The following TMTC2 variants were observed in gnomAD, a reference collection of about 807,000 sequenced individuals.
TMTC2 encodes the protein protein O-mannosyl-transferase TMTC2.
TMTC2 carries 43 observed loss-of-function variants against 82.4 expected under a neutral mutation model. That is an observed-to-expected ratio of 0.52 (90% CI 0.41 to 0.67). The LOEUF (loss-of-function observed/expected upper bound fraction) is 0.67. TMTC2 is among the 30% of genes least tolerant of loss of function. The pLI is 0.00. For synonymous variants in TMTC2, 408 were observed against 381.9 expected, an observed-to-expected ratio of 1.07 and a Z score of -0.80; for missense variants, 919 against 1,012.4, an observed-to-expected ratio of 0.91 and a Z score of 1.25.
intron 9 of TMTC2, among the ~76,000 whole-genome samples, chr12:83,031,604 G>T (rs193116967): frequency 6.6e-5 from 10 of 152,146 alleles, no homozygotes; most frequent in African/African-American, 2.4e-4. Context: ...CCCTTGGGGG[G>T]AAAATGTGGT....
intron 11 of TMTC2, among the ~76,000 whole-genome samples, chr12:83,070,833 A>G (rs965155159): frequency 6.6e-6 from 1 of 152,194 alleles, no homozygotes; most frequent in Non-Finnish European, 1.5e-5. Context: ...TAGGTTTGTC[A>G]TAGATGGCTT....
intron 1 of TMTC2, among the ~76,000 whole-genome samples, chr12:82,755,546 C>T (rs967896468): frequency 8.5e-5 from 13 of 152,066 alleles, no homozygotes; most frequent in Non-Finnish European, 1.5e-4. Context: ...GTTTTTTTAG[C>T]CAATAATAAG....
chr12:83,080,546 T>A (rs193288120), intron 11 of TMTC2, among the ~76,000 whole-genome samples: 94 of 152,282 alleles, frequency 6.2e-4, no homozygotes, highest in African/African-American at 2.1e-3. Context: ...TCTCCCCAGT[T>A]TTTATAGATG....
chr12:83,126,481 G>C (rs1885101975), intron 11 of TMTC2, among the ~76,000 whole-genome samples: 1 of 152,028 alleles, frequency 6.6e-6, no homozygotes, highest in African/African-American at 2.4e-5. Flanking sequence ...TTGTCAATCA[G>C]CCATCAATCT....
chr12:82,738,621 A>G (rs568876194), intron 1 of TMTC2, among the ~76,000 whole-genome samples: 2 of 152,294 alleles, frequency 1.3e-5, no homozygotes, highest in South Asian at 2.1e-4. Flanking sequence ...AATCACTTGG[A>G]ATAAATTGTC....
intron 1 of TMTC2, among the ~76,000 whole-genome samples, chr12:82,691,673 AT>A (rs578150193): frequency 1.1e-3 from 170 of 152,280 alleles, no homozygotes; most frequent in Non-Finnish European, 2.0e-3. Flanking sequence ...CTGTTAACTT[AT>A]CTTTAAAAAG....
At chr12:82,830,132 GT>G (rs533535957) in intron 1 of TMTC2, among the ~76,000 whole-genome samples, 2 of 151,024 alleles carry the variant, frequency 1.3e-5, no homozygotes, top group Admixed American at 6.6e-5. Context: ...GCAAGCTTAC[GT>G]TTTTTTTTCT....
In TMTC2 at chr12:82,965,691, A is replaced by G. The variant is rs764065312; in HGVS notation, c.1816A>G (p.Thr606Ala). The G allele has an allele frequency of 9.3e-6, 15 of 1,613,752 alleles. No homozygotes were observed. In the African/African-American group the frequency reaches 1.5e-4, roughly 16 times the overall value. Residue 606 changes from threonine (T) to alanine (A), a missense_variant, in exon 6 of 12, where the codon ACC becomes GCC. Physicochemically the swap from Thr to Ala is moderately conservative, Grantham distance 58. Coordinates refer to ENST00000321196, the MANE Select transcript of TMTC2 (RefSeq NM_152588.3). ...CCCTCATGCACACAAGAGCTCTGTTACCAGTTGTTTGTACAACCTAGGAAA... is the reference window on the plus strand; with the variant it reads ...CCCTCATGCACACAAGAGCTCTGTTGCCAGTTGTTTGTACAACCTAGGAAA... ...KDPHAHKSSV[T>A]SCLYNLGKLY...
At chr12:82,820,073 C>G (rs770572566) in intron 1 of TMTC2, among the ~76,000 whole-genome samples, 3 of 152,166 alleles carry the variant, frequency 2.0e-5, no homozygotes, top group Non-Finnish European at 4.4e-5. Flanking sequence ...CGATGTTCTA[C>G]GGCAGGAAGC....
At chr12:82,726,181 G>A (rs541416484) in intron 1 of TMTC2, among the ~76,000 whole-genome samples, 1 of 152,224 alleles carries the variant, frequency 6.6e-6, no homozygotes, top group South Asian at 2.1e-4. Context: ...GATATATAGG[G>A]TGAAATAAAC....
chr12:82,751,885 G>T lies in TMTC2; in HGVS notation c.83+64216G>T, dbSNP rs75759465. 6.8e-4 allele frequency among the ~76,000 whole-genome samples: 103 copies of T among 152,218 alleles called. 1 individual carries two copies. In the East Asian group the frequency reaches 0.018, roughly 27 times the overall value. The stretch of plus-strand genomic sequence containing the variant: ...TCCAGTTAAACAGTTTTGTGTTAAA[G>T]GATGAACAAAATGCCAAAGTATTTA... On this transcript the variant is annotated intron_variant, in intron 1 of 11. Coordinates refer to ENST00000321196, the MANE Select transcript of TMTC2 (RefSeq NM_152588.3).
chr12:83,001,635 CAAAAAAAA>C (rs34467744), intron 8 of TMTC2, among the ~76,000 whole-genome samples: 1 of 93,180 alleles, frequency 1.1e-5, no homozygotes, highest in South Asian at 3.9e-4. Context: ...AACTCTGTCT[CAAAAAAAA>C]AAAAAAAAAA....
chr12:82,699,403 A>C (rs1872965233), intron 1 of TMTC2, among the ~76,000 whole-genome samples: 1 of 152,172 alleles, frequency 6.6e-6, no homozygotes, highest in African/African-American at 2.4e-5. Context: ...TAAACCGACC[A>C]ATTACAGTGC....
chr12:82,803,033 G>T (rs1268239049), intron 1 of TMTC2, among the ~76,000 whole-genome samples: 1 of 152,158 alleles, frequency 6.6e-6, no homozygotes, highest in Non-Finnish European at 1.5e-5. Flanking sequence ...CTTAATGCAT[G>T]TTAGAATATG....
intron 8 of TMTC2, among the ~76,000 whole-genome samples, chr12:82,996,608 A>G (rs902221959): frequency 2.0e-5 from 3 of 152,092 alleles, no homozygotes; most frequent in Non-Finnish European, 2.9e-5. Flanking sequence ...AGAATGACTC[A>G]TGTGTAAGTA....
chr12:82,858,431 G>C (rs921219332), intron 2 of TMTC2, among the ~76,000 whole-genome samples: 6 of 152,218 alleles, frequency 3.9e-5, no homozygotes, highest in African/African-American at 1.4e-4. Context: ...GCCAGGGTTT[G>C]CCAACTTTGG....
intron 11 of TMTC2, among the ~76,000 whole-genome samples, chr12:83,096,129 T>A (rs1475128977): frequency 6.6e-6 from 1 of 152,268 alleles, no homozygotes; most frequent in Non-Finnish European, 1.5e-5. Flanking sequence ...GTGTATAGTT[T>A]GTTTATAATT....
intron 11 of TMTC2, among the ~76,000 whole-genome samples, chr12:83,117,921 T>C: frequency 6.6e-6 from 1 of 150,532 alleles, no homozygotes; most frequent in Middle Eastern, 3.4e-3. Context: ...TATTTATTTA[T>C]TTATTTATTT....
intron 8 of TMTC2, among the ~76,000 whole-genome samples, chr12:83,014,341 TG>T (rs923497486): frequency 6.6e-6 from 1 of 152,052 alleles, no homozygotes; most frequent in Non-Finnish European, 1.5e-5. Flanking sequence ...TTTTGTTTTT[TG>T]GTTTTTGTTT....
Sources: allele counts gnomAD v4.1 joint callset (sites outside exome capture counted in the v4.1 genomes callset), GRCh38; gene constraint gnomAD v4.1.1; transcripts MANE v1.5; gene names NCBI Gene and HGNC (gene_info 2026-07-23, HGNC 2026-07-21).